Variants in ZNF618 observed in about 807,000 individuals in gnomAD.
The protein encoded by ZNF618 is neural precursor cell expressed, developmentally down-regulated 10.
A neutral mutation model predicts 103.0 loss-of-function variants in ZNF618; 34 were observed. The ratio of observed to expected loss-of-function variants is 0.33; its 90% CI spans 0.25 to 0.44. ZNF618 has a LOEUF of 0.44. Among genes scored for constraint, ZNF618 ranks in the 20% least tolerant of loss-of-function variants. The pLI is 1.00. For synonymous variants in ZNF618, 551 were observed against 542.2 expected, an observed-to-expected ratio of 1.02 and a Z score of -0.23; for missense variants, 1,059 against 1,295.4, an observed-to-expected ratio of 0.82 and a Z score of 2.80.
intron 1 of ZNF618, among the ~76,000 whole-genome samples, chr9:113,949,947 C>A (rs1001544962): frequency 2.6e-5 from 4 of 152,230 alleles, no homozygotes; most frequent in Non-Finnish European, 5.9e-5. Context: ...GGTCTTGTCT[C>A]TACCTCATCT....
intron 13 of ZNF618, among the ~76,000 whole-genome samples, chr9:114,040,257 CG>C (rs1845026818): frequency 6.6e-6 from 1 of 151,924 alleles, no homozygotes; most frequent in Non-Finnish European, 1.5e-5. Flanking sequence ...GTCACACCAT[CG>C]CAGAACTGGG....
chr9:113,919,027 A>G (rs1172532359), intron 1 of ZNF618, among the ~76,000 whole-genome samples: 3 of 152,194 alleles, frequency 2.0e-5, no homozygotes, highest in Non-Finnish European at 4.4e-5. Flanking sequence ...CTGAATTAGC[A>G]GTTTAGGAGG....
rs147689846 is a variant in ZNF618 at position 113,981,787 on chromosome 9, A to G, written c.78-6534A>G. Reference sequence around the variant, plus strand: ...TTTCAGACTAAGCTCATCACTAAAAATTGTGTGACCTTGGCCATGCCTTTC... The same window carrying G: ...TTTCAGACTAAGCTCATCACTAAAAGTTGTGTGACCTTGGCCATGCCTTTC... On this transcript the variant is annotated intron_variant, in intron 2 of 14. Coordinates refer to ENST00000374126, the MANE Select transcript of ZNF618 (RefSeq NM_001318042.2). Among the ~76,000 whole-genome samples the G allele has an allele frequency of 4.1e-4, 63 of 152,376 alleles. 1 individual carries two copies. The highest frequency in any genetic ancestry group is 4.1e-3 in the Admixed American group (63 of 15,312).
At position 114,053,858 on chromosome 9, in the gene ZNF618, C is replaced by T. The variant is rs1348416225; in HGVS notation, c.*3691C>T. The T allele has an allele frequency of 6.6e-6, 1 of 152,270 alleles. No homozygotes were observed. Among genetic ancestry groups the T allele is most frequent in the Non-Finnish European group, 1.5e-5 (1 of 68,068 alleles). 9.4% of individuals were successfully genotyped at this position (152,270 alleles called of 1,614,324 possible). A position where few individuals can be genotyped will look rare whatever the true frequency, so the allele number is the denominator to read the frequency against. Reference sequence around the variant, plus strand: ...CTCTGGAGGTTCGCTGCACAGAGGCCACCTGCCGCATCACCAGTGAGGAAG... The same window carrying T: ...CTCTGGAGGTTCGCTGCACAGAGGCTACCTGCCGCATCACCAGTGAGGAAG... On this transcript the variant is annotated 3_prime_UTR_variant, in exon 15 of 15. Coordinates refer to ENST00000374126, the MANE Select transcript of ZNF618 (RefSeq NM_001318042.2).
chr9:113,947,188 T>C (rs1835117379), intron 1 of ZNF618, among the ~76,000 whole-genome samples: 3 of 152,150 alleles, frequency 2.0e-5, no homozygotes, highest in Admixed American at 2.0e-4. Flanking sequence ...TGGGGCTCTT[T>C]AGTGAATCCT....
chr9:113,981,901 C>T (rs774022661), intron 2 of ZNF618, among the ~76,000 whole-genome samples: 4 of 152,168 alleles, frequency 2.6e-5, no homozygotes, highest in Non-Finnish European at 5.9e-5. Context: ...ACCCGGGCCC[C>T]GTTCTGTGCC....
chr9:113,883,050 C>T (rs1282402002), intron 1 of ZNF618, among the ~76,000 whole-genome samples: 11 of 152,208 alleles, frequency 7.2e-5, no homozygotes, highest in Admixed American at 6.5e-4. Context: ...TAGGGTCTGG[C>T]GCAGAGCAGC....
intron 1 of ZNF618, among the ~76,000 whole-genome samples, chr9:113,908,069 G>T (rs1323555196): frequency 6.6e-6 from 1 of 152,208 alleles, no homozygotes; most frequent in Non-Finnish European, 1.5e-5. Flanking sequence ...CCATGAAACA[G>T]TGACACCCAG....
intron 1 of ZNF618, among the ~76,000 whole-genome samples, chr9:113,899,309 C>A (rs113003464): frequency 0.034 from 5,193 of 152,252 alleles, 83 homozygotes; most frequent in African/African-American, 0.045. Flanking sequence ...ATTTCCCCTT[C>A]CCCCAGTCCC....
At position 113,936,811 on chromosome 9, in the gene ZNF618, A is replaced by T. The variant is rs76475326; in HGVS notation, c.34-32306A>T. Among the ~76,000 whole-genome samples the T allele has an allele frequency of 1.0e-3, 157 of 152,030 alleles. 2 individuals are homozygous for T. The East Asian group carries it at 0.028, about 27-fold the overall frequency. Reference sequence around the variant, plus strand: ...TTATTTTTAAAAATGTGCTCTATTTATTATTTTTTTAGCATTTTTTCTTGT... The same window carrying T: ...TTATTTTTAAAAATGTGCTCTATTTTTTATTTTTTTAGCATTTTTTCTTGT... On this transcript the variant is annotated intron_variant, in intron 1 of 14. Coordinates refer to ENST00000374126, the MANE Select transcript of ZNF618 (RefSeq NM_001318042.2).
chr9:113,907,507 T>C (rs1831094713), intron 1 of ZNF618, among the ~76,000 whole-genome samples: 1 of 152,206 alleles, frequency 6.6e-6, no homozygotes, highest in African/African-American at 2.4e-5. Flanking sequence ...TCCCAGGCAA[T>C]GAGGCTTCCT....
intron 13 of ZNF618, among the ~76,000 whole-genome samples, chr9:114,037,898 G>C (rs1046828275): frequency 3.3e-5 from 5 of 152,158 alleles, no homozygotes; most frequent in Non-Finnish European, 7.3e-5. Context: ...TTGCCTCGGA[G>C]ACCTGCTCTA....
chr9:113,895,419 A>T (rs1346611481), intron 1 of ZNF618, among the ~76,000 whole-genome samples: 1 of 152,034 alleles, frequency 6.6e-6, no homozygotes, highest in African/African-American at 2.4e-5. Context: ...CATTTTGTTT[A>T]TGGTGTTTTT....
chr9:114,026,267 G>A (rs974651445), intron 10 of ZNF618, among the ~76,000 whole-genome samples: 1 of 152,238 alleles, frequency 6.6e-6, no homozygotes, highest in Admixed American at 6.5e-5. Flanking sequence ...TCAATGGCCT[G>A]TGAGGAAGCT....
chr9:113,960,054 A>G (rs1836701808), intron 1 of ZNF618, among the ~76,000 whole-genome samples: 1 of 152,256 alleles, frequency 6.6e-6, no homozygotes, highest in African/African-American at 2.4e-5. Context: ...GTTTCTCAAC[A>G]GCTGCTGCAG....
chr9:113,913,776 A>C (rs1302227721), intron 1 of ZNF618, among the ~76,000 whole-genome samples: 1 of 152,176 alleles, frequency 6.6e-6, no homozygotes, highest in East Asian at 1.9e-4. Flanking sequence ...CTTGGGTTTG[A>C]GGGTAGACTT....
At chr9:113,896,644 G>C (rs1830064052) in intron 1 of ZNF618, among the ~76,000 whole-genome samples, 1 of 151,832 alleles carries the variant, frequency 6.6e-6, no homozygotes, top group Non-Finnish European at 1.5e-5. Flanking sequence ...GTATTTTTCA[G>C]ATTCCCCATA....
chr9:113,926,806 A>G (rs914699294), intron 1 of ZNF618, among the ~76,000 whole-genome samples: 1 of 152,204 alleles, frequency 6.6e-6, no homozygotes, highest in African/African-American at 2.4e-5. Flanking sequence ...TGAGCTCAAG[A>G]GTTCAAGACC....
chr9:113,950,882 G>A (rs1420912968), intron 1 of ZNF618, among the ~76,000 whole-genome samples: 1 of 151,814 alleles, frequency 6.6e-6, no homozygotes, highest in Non-Finnish European at 1.5e-5. Flanking sequence ...AGTGAGTGTG[G>A]AAGCAGGTCC....
Sources: gnomAD v4.1 joint callset for allele counts (sites outside exome capture counted in the v4.1 genomes callset) on GRCh38, gnomAD v4.1.1 for gene constraint, MANE v1.5 for transcripts, NCBI Gene and HGNC (gene_info 2026-07-23, HGNC 2026-07-21) for gene names.